MYLIP: variants seen among roughly 807,000 people sequenced by gnomAD.
MYLIP encodes myosin regulatory light chain interacting protein.
A neutral mutation model predicts 45.8 loss-of-function variants in MYLIP; 26 were observed. That is an observed-to-expected ratio of 0.57 (90% confidence interval 0.42 to 0.79). The LOEUF is 0.79. Ranked by LOEUF, MYLIP falls within the 30% of genes least tolerant of loss-of-function variation. The probability of loss-of-function intolerance (pLI) is 0.00; values close to 1 mark genes in which losing one functional copy is unlikely to be tolerated. For missense variants in MYLIP, 494 were observed against 555.6 expected, an observed-to-expected ratio of 0.89 and a Z score of 1.11; for synonymous variants, 213 against 218.1, an observed-to-expected ratio of 0.98 and a Z score of 0.21.
chr6:16,161,374 C>T, the MYLIP span: 1 of 243,970 alleles, frequency 4.1e-6, no homozygotes. Flanking sequence ...TGCTGCCTCC[C>T]AAACTGCGAA....
At chr6:16,139,543 G>A (rs1374158053) in intron 2 of MYLIP, among the ~76,000 whole-genome samples, 1 of 152,198 alleles carries the variant, frequency 6.6e-6, no homozygotes, top group Non-Finnish European at 1.5e-5. Context: ...CTCCACCCCA[G>A]TCGAATACAG....
At chr6:16,138,067 C>T (rs896968759) in intron 2 of MYLIP, among the ~76,000 whole-genome samples, 1 of 151,998 alleles carries the variant, frequency 6.6e-6, no homozygotes, top group Admixed American at 6.6e-5. Context: ...AGGTATAACC[C>T]GAAGAATGTT....
chr6:16,130,758 C>T lies in MYLIP; in HGVS notation c.278+11C>T. On this transcript the variant is annotated intron_variant, in intron 2 of 6. Transcript: ENST00000356840. ...ACAGGAGCAGACTAGGTAAAGTGAG[C>T]TAAAATAAACCAATGTCAAATTGAC... 6.2e-7 allele frequency: 1 copy of T among 1,607,998 alleles called. No homozygotes were observed. Among genetic ancestry groups the T allele is most frequent in the Non-Finnish European group, 8.5e-7 (1 of 1,176,348 alleles).
rs183742189 is a variant in MYLIP at position 16,145,626 on chromosome 6, G to A, written c.1248+309G>A. ...GAGGACAAGAATCCAGGCCTCCTGA[G>A]GCCTGGCCCAGGGCTGCTTCCTCTA... On this transcript the variant is annotated intron_variant, in intron 6 of 6. Coordinates refer to ENST00000356840, the MANE Select transcript of MYLIP (RefSeq NM_013262.4). Among the ~76,000 whole-genome samples the A allele has an allele frequency of 1.5e-3, 233 of 152,202 alleles. 1 individual carries two copies. The highest frequency in any genetic ancestry group is 4.4e-3 in the African/African-American group (183 of 41,506).
chr6:16,149,174 G>A (rs141199430), downstream of MYLIP, among the ~76,000 whole-genome samples: 5 of 152,258 alleles, frequency 3.3e-5, no homozygotes, highest in Admixed American at 2.6e-4. Flanking sequence ...CAGAATCCAC[G>A]AATACTAGCA....
the MYLIP span, among the ~76,000 whole-genome samples, chr6:16,153,526 C>T: frequency 2.0e-5 from 3 of 152,188 alleles, no homozygotes; most frequent in Non-Finnish European, 4.4e-5. Context: ...AAAAATGAAT[C>T]ATAGCCTTGT....
intron 2 of MYLIP, among the ~76,000 whole-genome samples, chr6:16,131,358 T>C (rs1759457527): frequency 6.6e-6 from 1 of 152,216 alleles, no homozygotes; most frequent in Non-Finnish European, 1.5e-5. Context: ...TTACACACGA[T>C]TGGTGAGTAT....
chr6:16,162,785 T>TTAAAAAAAAAAAAAAAAAA, the MYLIP span, among the ~76,000 whole-genome samples: 1 of 69,618 alleles, frequency 1.4e-5, no homozygotes, highest in South Asian at 4.6e-4. Flanking sequence ...ACCTCAACTC[T>TTAAAAAAAAAAAAAAAAAA]AAAAAAAAAA....
the MYLIP span, among the ~76,000 whole-genome samples, chr6:16,158,568 A>T: frequency 6.6e-6 from 1 of 152,238 alleles, no homozygotes; most frequent in East Asian, 1.9e-4. Context: ...TCACTTCAGC[A>T]TCATCTCCAT....
chr6:16,153,383 C>T, the MYLIP span, among the ~76,000 whole-genome samples: 5 of 152,148 alleles, frequency 3.3e-5, no homozygotes, highest in East Asian at 1.9e-4. Flanking sequence ...TCAGCGTTTC[C>T]GTTATTAAAG....
chr6:16,150,181 A>G (rs1759859984), downstream of MYLIP, among the ~76,000 whole-genome samples: 1 of 152,218 alleles, frequency 6.6e-6, no homozygotes, highest in African/African-American at 2.4e-5. Context: ...GGTATTTGAG[A>G]AAGAACCGAC....
At chr6:16,161,298 T>C in the MYLIP span, 1 of 363,664 alleles carries the variant, frequency 2.7e-6, no homozygotes. Flanking sequence ...CTGTCACATC[T>C]ATTACTGGAC....
chr6:16,153,366 C>T, the MYLIP span, among the ~76,000 whole-genome samples: 2 of 152,206 alleles, frequency 1.3e-5, no homozygotes, highest in Non-Finnish European at 2.9e-5. Context: ...TTTCCCTGCT[C>T]TTTACATCAG....
At chr6:16,153,085 T>C (rs1241236517), downstream of MYLIP, among the ~76,000 whole-genome samples, 1 of 152,192 alleles carries the variant, frequency 6.6e-6, no homozygotes, top group Non-Finnish European at 1.5e-5. Flanking sequence ...TCAGTTCTGT[T>C]CACTGCACTC....
chr6:16,159,198 T>C, the MYLIP span, among the ~76,000 whole-genome samples: 934 of 152,330 alleles, frequency 6.1e-3, 11 homozygotes, highest in African/African-American at 0.021. Context: ...TATTGACTAT[T>C]ACAATTTTAC....
At chr6:16,151,569 A>G (rs1759881139), downstream of MYLIP, among the ~76,000 whole-genome samples, 1 of 152,206 alleles carries the variant, frequency 6.6e-6, no homozygotes, top group Non-Finnish European at 1.5e-5. Context: ...CAAAAACACA[A>G]TCATTCTTGT....
At chr6:16,144,670 C>G (rs1759746565) in intron 5 of MYLIP, among the ~76,000 whole-genome samples, 1 of 152,150 alleles carries the variant, frequency 6.6e-6, no homozygotes, top group Non-Finnish European at 1.5e-5. Context: ...GCTCACTGCC[C>G]TCTGTATTTA....
At chr6:16,141,565 A>C (rs1581606167) in intron 2 of MYLIP, 60 bp from the exon 3 acceptor site, 2 of 1,443,778 alleles carry the variant, frequency 1.4e-6, no homozygotes, top group Non-Finnish European at 1.9e-6. Flanking sequence ...ATTGCTAAGT[A>C]GGCTGAGATT....
chr6:16,163,023 G>A, the MYLIP span, among the ~76,000 whole-genome samples: 2 of 151,964 alleles, frequency 1.3e-5, no homozygotes, highest in Non-Finnish European at 2.9e-5. Flanking sequence ...GTGAAGATGA[G>A]GGGTGCTAGC....
Sources: gnomAD v4.1 joint callset for allele counts (sites outside exome capture counted in the v4.1 genomes callset) on GRCh38, gnomAD v4.1.1 for gene constraint, MANE v1.5 for transcripts, NCBI Gene and HGNC (gene_info 2026-07-23, HGNC 2026-07-21) for gene names.